Variants in USP37 observed in about 807,000 individuals in gnomAD.
The protein encoded by USP37 is ubiquitin carboxyl-terminal hydrolase 37.
A neutral mutation model predicts 124.0 loss-of-function variants in USP37; 27 were observed. That is an observed-to-expected ratio of 0.22 (90% CI 0.16 to 0.30). The LOEUF is 0.30. Among genes scored for constraint, USP37 ranks in the 10% least tolerant of loss-of-function variants. The pLI, the probability that USP37 is intolerant of heterozygous loss-of-function variation, is 1.00. For missense variants in USP37, 889 were observed against 1,140.4 expected, an observed-to-expected ratio of 0.78 and a Z score of 3.17; for synonymous variants, 365 against 388.0, an observed-to-expected ratio of 0.94 and a Z score of 0.70.
intron 10 of USP37, 105 bp downstream of exon 10, chr2:218,529,851 T>C (rs1691210786): frequency 1.2e-6 from 1 of 827,466 alleles, no homozygotes; most frequent in Non-Finnish European, 1.8e-6. Context: ...TTTGTTAAAT[T>C]ATCATATTCA....
chr2:218,479,728 T>G lies in USP37; in HGVS notation c.1836-13A>C. The G allele has an allele frequency of 6.5e-7, 1 of 1,541,376 alleles. No homozygotes were observed. The highest frequency in any genetic ancestry group is 8.8e-7 in the Non-Finnish European group (1 of 1,134,668). On this transcript the variant is annotated splice_polypyrimidine_tract_variant and intron_variant, in intron 17 of 25. Coordinates refer to ENST00000258399, the MANE Select transcript of USP37 (RefSeq NM_020935.3). ...CAATGGTCTAGAACTATCAGAAAAT[T>G]AGAAAATATATAATGTATACAAATG...
At chr2:218,508,375 T>C (rs552255374) in intron 11 of USP37, among the ~76,000 whole-genome samples, 1 of 152,206 alleles carries the variant, frequency 6.6e-6, no homozygotes, top group African/African-American at 2.4e-5. Flanking sequence ...AGAGGAAAGA[T>C]GTATTTCTAG....
rs560961739 is a variant in USP37 at position 218,545,729 on chromosome 2, G to A, written c.680+492C>T. Among the ~76,000 whole-genome samples, 3 of 151,978 alleles carry A rather than the reference G, an allele frequency of 2.0e-5. No homozygotes were observed. The East Asian group carries it at 5.8e-4, about 29-fold the overall frequency. ...ATGAGGACGATGATTACGAGTTGGC[G>A]AGCACCCTGGGTTGATCTATTCCCT... On this transcript the variant is annotated intron_variant, in intron 8 of 25. Coordinates refer to ENST00000258399, the MANE Select transcript of USP37 (RefSeq NM_020935.3).
At position 218,459,916 on chromosome 2, in the gene USP37, CAA is replaced by C. The variant is rs534093326; in HGVS notation, c.2528-13_2528-12del. The C allele has an allele frequency of 7.1e-3, 11,333 of 1,602,734 alleles. 67 individuals carry two copies. Among genetic ancestry groups the C allele is most frequent in the Non-Finnish European group, 8.3e-3 (9,770 of 1,171,258 alleles). The stretch of plus-strand genomic sequence containing the variant: ...AGGAGTTGTTAAACTCTGAAGAATA[CAA>C]AGACAAAATCTTATAAAAGTTCTTG... On this transcript the variant is annotated splice_polypyrimidine_tract_variant and intron_variant, in intron 22 of 25. Transcript: ENST00000258399.
intron 18 of USP37, among the ~76,000 whole-genome samples, chr2:218,479,204 C>T (rs1035521307): frequency 6.6e-6 from 1 of 152,176 alleles, no homozygotes; most frequent in African/African-American, 2.4e-5. Flanking sequence ...CCTTTCAAAA[C>T]AACTCCTATT....
intron 20 of USP37, among the ~76,000 whole-genome samples, chr2:218,467,320 T>TATCTATCTATC (rs1553538443): frequency 1.6e-5 from 1 of 60,910 alleles, no homozygotes; most frequent in African/African-American, 4.4e-5. Context: ...AATCTATATC[T>TATCTATCTATC]ATCTATCTAT....
chr2:218,557,930 C>CAAAAAA lies in USP37; in HGVS notation c.156+562_156+567dup, dbSNP rs61488353. On this transcript the variant is annotated intron_variant, in intron 4 of 25. Transcript: ENST00000258399. ...TGGGTGACAGAGGAAGACTCTGTCT[C>CAAAAAA]AAAAAAAAAAAAAAAAAAAAGGTGA... is the stretch of plus-strand genomic sequence containing the variant. 2.4e-3 allele frequency among the ~76,000 whole-genome samples: 84 copies of CAAAAAA among 35,650 alleles called. 8 individuals carry two copies. The highest frequency in any genetic ancestry group is 5.3e-3 in the African/African-American group (64 of 12,020). The allele number at this position is 35,650 out of a possible 152,430, so 23.4% of individuals were successfully genotyped here.
At chr2:218,556,672 C>A (rs1039466925) in intron 4 of USP37, among the ~76,000 whole-genome samples, 1 of 151,826 alleles carries the variant, frequency 6.6e-6, no homozygotes, top group Non-Finnish European at 1.5e-5. Context: ...CACTACCGTG[C>A]CTGCTAATTT....
At chr2:218,532,196 A>G (rs1691365999) in intron 9 of USP37, among the ~76,000 whole-genome samples, 1 of 152,208 alleles carries the variant, frequency 6.6e-6, no homozygotes, top group Non-Finnish European at 1.5e-5. Flanking sequence ...GGCCGGGTGC[A>G]GTGGCTCACG....
intron 2 of USP37, 142 bp downstream of exon 2, chr2:218,562,531 T>C (rs770732645): frequency 6.7e-5 from 26 of 390,222 alleles, no homozygotes; most frequent in Non-Finnish European, 9.9e-5. Flanking sequence ...TTTGAAAACA[T>C]CCTTAATCAG....
At chr2:218,465,600 C>T (rs1690271085) in intron 21 of USP37, among the ~76,000 whole-genome samples, 1 of 152,156 alleles carries the variant, frequency 6.6e-6, no homozygotes, top group Admixed American at 6.6e-5. Flanking sequence ...GTTTCAAACC[C>T]AGGCTGGAGT....
At chr2:218,565,866 T>C (rs780968442) in intron 1 of USP37, among the ~76,000 whole-genome samples, 7 of 152,220 alleles carry the variant, frequency 4.6e-5, no homozygotes, top group Non-Finnish European at 8.8e-5. Flanking sequence ...CTGGCCAACA[T>C]GGTGAAACCT....
At position 218,549,830 on chromosome 2, in the gene USP37, C is replaced by T. The variant is rs1692566935; in HGVS notation, c.408G>A (p.Gln136=). 6.2e-7 allele frequency: 1 copy of T among 1,612,840 alleles called. No individual in the cohort carries two copies. Among genetic ancestry groups the T allele is most frequent in the African/African-American group, 1.3e-5 (1 of 74,880 alleles). The change falls in exon 6 of 26, where the codon CAG becomes CAA. Residue 136 remains glutamine, a synonymous_variant. Coordinates refer to ENST00000258399, the MANE Select transcript of USP37 (RefSeq NM_020935.3). ...ATACCTGATTGTCTGAGTAAGAAAG[C>T]TGCCTGCTGGTTTCCTTCTGTGAGG... The part of the protein sequence containing the change: ...SRTSQKETSR[Q]LSYSDNQASA...
chr2:218,494,113 G>C (rs908695099), intron 14 of USP37, among the ~76,000 whole-genome samples: 1 of 152,152 alleles, frequency 6.6e-6, no homozygotes, highest in African/African-American at 2.4e-5. Flanking sequence ...TATCCACCAG[G>C]GGGAAAAGTC....
At chr2:218,501,215 T>C (rs1395408944) in intron 11 of USP37, among the ~76,000 whole-genome samples, 2 of 151,928 alleles carry the variant, frequency 1.3e-5, no homozygotes, top group Non-Finnish European at 2.9e-5. Flanking sequence ...AATTTTGTAT[T>C]TTTTTGTAGA....
chr2:218,538,812 A>G (rs1691805498), intron 8 of USP37, among the ~76,000 whole-genome samples: 1 of 152,180 alleles, frequency 6.6e-6, no homozygotes, highest in South Asian at 2.1e-4. Context: ...TAGATACAGT[A>G]GTTCCCCCTT....
chr2:218,462,012 CT>C (rs1377497665), intron 22 of USP37, among the ~76,000 whole-genome samples: 6 of 152,104 alleles, frequency 3.9e-5, no homozygotes, highest in Non-Finnish European at 8.8e-5. Context: ...CAAAATTTAG[CT>C]GGATGTGGTG....
Position 218,466,193 on chromosome 2 carries a change from TAAC to T in USP37, c.2300-20_2300-18del. ...TGGCAGGATCTGAGGAAGCAGAACA[TAAC>T]ATTAATTTGGAAAATCCTAATAAAT... is the stretch of plus-strand genomic sequence containing the variant. On this transcript the variant is annotated intron_variant, in intron 20 of 25. Coordinates refer to ENST00000258399, the MANE Select transcript of USP37 (RefSeq NM_020935.3). 6.3e-7 allele frequency: 1 copy of T among 1,576,734 alleles called. No homozygotes were observed. The highest frequency in any genetic ancestry group is 2.3e-5 in the East Asian group (1 of 44,394).
chr2:218,533,316 T>C lies in USP37; in HGVS notation c.778+1293A>G, dbSNP rs553297523. The stretch of plus-strand genomic sequence containing the variant: ...ATTTACTCATTTTAAACAGTATCAA[T>C]TGACTCTTTATTGTAGAAAATTAGT... On this transcript the variant is annotated intron_variant, in intron 9 of 25. Coordinates refer to ENST00000258399, the MANE Select transcript of USP37 (RefSeq NM_020935.3). Among the ~76,000 whole-genome samples, 18 of 152,306 alleles carry C rather than the reference T, an allele frequency of 1.2e-4. No homozygotes were observed. In the South Asian group the frequency reaches 3.3e-3, roughly 28 times the overall value.
Sources: allele counts gnomAD v4.1 joint callset (sites outside exome capture counted in the v4.1 genomes callset), GRCh38; gene constraint gnomAD v4.1.1; transcripts MANE v1.5; gene names NCBI Gene and HGNC (gene_info 2026-07-23, HGNC 2026-07-21).